Variants in DCAF8L2 observed in about 807,000 individuals in gnomAD.
DCAF8L2 encodes the protein DDB1- and CUL4-associated factor 8-like protein 2.
For synonymous variants in DCAF8L2, 200 were observed against 190.9 expected, an observed-to-expected ratio of 1.05 and a Z score of -0.39; for missense variants, 430 against 490.7, an observed-to-expected ratio of 0.88 and a Z score of 1.17.
intron 3 of DCAF8L2, among the ~76,000 whole-genome samples, chrX:27,707,475 A>T (rs1000913494): frequency 3.6e-5 from 4 of 111,673 alleles, no homozygotes; most frequent in Non-Finnish European, 5.6e-5. Flanking sequence ...CATAACATTT[A>T]GGTGGTGATT....
intron 1 of DCAF8L2, among the ~76,000 whole-genome samples, chrX:27,606,861 G>A (rs1362594686): frequency 2.7e-5 from 3 of 111,018 alleles, no homozygotes; most frequent in East Asian, 2.8e-4. Flanking sequence ...AATACAGCCC[G>A]TTTGCTTGTT....
rs1389449816 is a variant in DCAF8L2 at position 27,606,377 on chromosome X, A to ATT, written c.-342+15938_-342+15939insTT. On this transcript the variant is annotated intron_variant, in intron 1 of 4. Transcript: ENST00000451261. ...TCTAGGAATATATATATATATATAT[A>ATT]TATATTCTTTTGAGACAGAGTCTCA... is the stretch of plus-strand genomic sequence containing the variant. 3.8e-5 allele frequency among the ~76,000 whole-genome samples: 3 copies of ATT among 79,926 alleles called. 1 individual carries two copies. The highest frequency in any genetic ancestry group is 1.1e-4 in the African/African-American group (2 of 18,734). 69.4% of individuals were successfully genotyped at this position (79,926 alleles called of 115,157 possible).
intron 3 of DCAF8L2, among the ~76,000 whole-genome samples, chrX:27,714,477 C>T (rs1259191994): frequency 9.0e-6 from 1 of 111,095 alleles, no homozygotes; most frequent in Non-Finnish European, 1.9e-5. Context: ...ATTTCTTTCC[C>T]AGCCATTTTT....
the DCAF8L2 span, among the ~76,000 whole-genome samples, chrX:27,578,382 C>T: frequency 9.0e-6 from 1 of 111,668 alleles, no homozygotes; most frequent in Non-Finnish European, 1.9e-5. Flanking sequence ...AACTGGACCC[C>T]TTCCTTATAC....
At chrX:27,721,658 G>A (rs1296868120) in intron 4 of DCAF8L2, among the ~76,000 whole-genome samples, 2 of 111,174 alleles carry the variant, frequency 1.8e-5, no homozygotes, top group Non-Finnish European at 3.8e-5. Flanking sequence ...TTAGCTCACA[G>A]AGGAAAGAAA....
At chrX:27,497,316 A>G in the DCAF8L2 span, among the ~76,000 whole-genome samples, 2 of 111,590 alleles carry the variant, frequency 1.8e-5, no homozygotes, top group South Asian at 7.5e-4. Flanking sequence ...AAAAACACAT[A>G]AAATAAACTG....
the DCAF8L2 span, among the ~76,000 whole-genome samples, chrX:27,524,858 C>A: frequency 1.8e-5 from 2 of 112,018 alleles, no homozygotes; most frequent in East Asian, 2.8e-4. Flanking sequence ...GTTTCTTAAT[C>A]CTGAGTTCTA....
At chrX:27,696,258 AAGAG>A (rs1201774659) in intron 3 of DCAF8L2, among the ~76,000 whole-genome samples, 53 of 89,230 alleles carry the variant, frequency 5.9e-4, no homozygotes, top group South Asian at 1.9e-3. Context: ...GGAAGGAAGG[AAGAG>A]AGAGAGAGAA....
chrX:27,659,093 A>G (rs1929462280), intron 2 of DCAF8L2, among the ~76,000 whole-genome samples: 2 of 111,115 alleles, frequency 1.8e-5, no homozygotes, highest in Admixed American at 9.6e-5. Flanking sequence ...CCATTTCTCC[A>G]CCTGAAATCC....
chrX:27,512,801 A>AAAAAAAAAAC, the DCAF8L2 span, among the ~76,000 whole-genome samples: 8 of 88,625 alleles, frequency 9.0e-5, no homozygotes, highest in East Asian at 7.4e-4. Flanking sequence ...AAAAAAAAAA[A>AAAAAAAAAAC]AAAAAAAAAC....
the DCAF8L2 span, among the ~76,000 whole-genome samples, chrX:27,538,945 C>G: frequency 0.017 from 1,941 of 112,446 alleles, 17 homozygotes; most frequent in Middle Eastern, 0.041. Context: ...TAAGCAGTGT[C>G]AGGGAAATGT....
At chrX:27,540,722 A>G in the DCAF8L2 span, among the ~76,000 whole-genome samples, 1 of 111,795 alleles carries the variant, frequency 8.9e-6, no homozygotes, top group African/African-American at 3.2e-5. Flanking sequence ...GTGGATTTTG[A>G]ATGTTCTCAA....
At chrX:27,625,024 C>G (rs1242600622) in intron 1 of DCAF8L2, among the ~76,000 whole-genome samples, 3 of 111,892 alleles carry the variant, frequency 2.7e-5, no homozygotes, top group Non-Finnish European at 5.6e-5. Flanking sequence ...TAAAGGGCTT[C>G]TGCACAGTAA....
At chrX:27,518,270 G>A in the DCAF8L2 span, 69 of 908,850 alleles carry the variant, frequency 7.6e-5, no homozygotes, top group South Asian at 1.3e-3. Context: ...GCTAATGATA[G>A]AATCCTACCC....
chrX:27,716,907 C>T (rs1010232908), intron 4 of DCAF8L2, among the ~76,000 whole-genome samples: 1 of 111,210 alleles, frequency 9.0e-6, no homozygotes, highest in African/African-American at 3.3e-5. Flanking sequence ...CGACAGGCTG[C>T]AGTGTGTGTT....
chrX:27,634,000 G>A (rs780099395), intron 2 of DCAF8L2, among the ~76,000 whole-genome samples: 48 of 111,364 alleles, frequency 4.3e-4, no homozygotes, highest in African/African-American at 1.5e-3. Context: ...TTGATGAATC[G>A]ACTATATCCC....
At chrX:27,519,506 C>T in the DCAF8L2 span, 1 of 899,543 alleles carries the variant, frequency 1.1e-6, no homozygotes, top group African/African-American at 1.9e-5. Flanking sequence ...GCTTTTGCAA[C>T]CCAGGAAGAC....
chrX:27,550,716 T>C, the DCAF8L2 span, among the ~76,000 whole-genome samples: 1 of 111,055 alleles, frequency 9.0e-6, no homozygotes, highest in African/African-American at 3.3e-5. Context: ...TGGTAACTAC[T>C]ATTCTATTCT....
At chrX:27,499,951 G>A in the DCAF8L2 span, among the ~76,000 whole-genome samples, 1 of 111,543 alleles carries the variant, frequency 9.0e-6, no homozygotes, top group African/African-American at 3.3e-5. Context: ...CCTTTGGTGT[G>A]GATAAATTTT....
Sources: allele counts gnomAD v4.1 joint callset (sites outside exome capture counted in the v4.1 genomes callset), GRCh38; gene constraint gnomAD v4.1.1; transcripts MANE v1.5; gene names NCBI Gene and HGNC (gene_info 2026-07-23, HGNC 2026-07-21).